RAPGEF4: variants seen among roughly 807,000 people sequenced by gnomAD.
The protein encoded by RAPGEF4 is RAP guanine-nucleotide-exchange factor (GEF) 4.
Under a neutral mutation model 147.9 loss-of-function variants are expected in RAPGEF4, and 66 were observed. That is an observed-to-expected ratio of 0.45 (90% confidence interval 0.37 to 0.55). The LOEUF (loss-of-function observed/expected upper bound fraction) is 0.55. Among genes scored for constraint, RAPGEF4 ranks in the 20% least tolerant of loss-of-function variants. The pLI is 0.00. For synonymous variants in RAPGEF4, 419 were observed against 442.7 expected, an observed-to-expected ratio of 0.95 and a Z score of 0.67; for missense variants, 1,071 against 1,257.3, an observed-to-expected ratio of 0.85 and a Z score of 2.24.
intron 6 of RAPGEF4, among the ~76,000 whole-genome samples, chr2:172,951,961 G>C (rs1370770178): frequency 2.6e-5 from 4 of 152,156 alleles, no homozygotes; most frequent in Non-Finnish European, 1.5e-5. Flanking sequence ...ACCAAGGCTT[G>C]GATAAGGCAC....
At chr2:172,978,214 C>G (rs902121016) in intron 10 of RAPGEF4, among the ~76,000 whole-genome samples, 8 of 152,158 alleles carry the variant, frequency 5.3e-5, no homozygotes, top group African/African-American at 1.7e-4. Context: ...CCCAGAGCTT[C>G]CCCTGGAAAT....
intron 16 of RAPGEF4, among the ~76,000 whole-genome samples, chr2:173,000,372 TTA>T (rs1349981158): frequency 5.9e-5 from 9 of 152,248 alleles, no homozygotes; most frequent in African/African-American, 2.2e-4. Context: ...CATTTTCCAT[TTA>T]AGATGAGCGT....
At chr2:172,759,345 A>G (rs560088680) in intron 1 of RAPGEF4, among the ~76,000 whole-genome samples, 4 of 152,232 alleles carry the variant, frequency 2.6e-5, no homozygotes, top group South Asian at 2.1e-4. Context: ...AGATCATTCA[A>G]TGAGAATGCA....
At chr2:172,874,183 C>T (rs1695582471) in intron 4 of RAPGEF4, among the ~76,000 whole-genome samples, 2 of 152,286 alleles carry the variant, frequency 1.3e-5, no homozygotes, top group East Asian at 1.9e-4. Context: ...TTTGACCCAG[C>T]AATCCCATTA....
chr2:173,020,738 G>T, intron 23 of RAPGEF4, 23 bp downstream of exon 23: 1 of 1,580,844 alleles, frequency 6.3e-7, no homozygotes, highest in South Asian at 1.1e-5. Flanking sequence ...GGCCTGCTCA[G>T]AGCAGCATTG....
chr2:172,993,022 T>A (rs1042510520), intron 15 of RAPGEF4, among the ~76,000 whole-genome samples: 3 of 152,242 alleles, frequency 2.0e-5, no homozygotes, highest in East Asian at 1.9e-4. Context: ...CTGTAGGGCC[T>A]CTCCTCAGAA....
chr2:173,021,658 G>T (rs1368217439), intron 23 of RAPGEF4, among the ~76,000 whole-genome samples: 1 of 152,208 alleles, frequency 6.6e-6, no homozygotes, highest in Non-Finnish European at 1.5e-5. Context: ...TTTAGGGAGA[G>T]AGTTTACATA....
chr2:172,990,909 T>G lies in RAPGEF4; in HGVS notation c.1474T>G (p.Ser492Ala). ...AGNRASNQGN[S>A]QPQQKYTVMS... ...GAACAGAGCTTCTAATCAAGGAAAC[T>G]CACAGCCTCAGCAAAAGTATGTTTG... Residue 492 changes from serine to alanine, a missense_variant, in exon 15 of 31, where the codon TCA becomes GCA. Physicochemically the swap from Ser to Ala is moderately conservative, Grantham distance 99. Transcript: ENST00000397081. The G allele has an allele frequency of 1.2e-6, 2 of 1,613,132 alleles. No homozygotes were observed. Among genetic ancestry groups the G allele is most frequent in the African/African-American group, 1.3e-5 (1 of 75,022 alleles).
chr2:173,034,172 A>C (rs1683605698), intron 27 of RAPGEF4, among the ~76,000 whole-genome samples: 1 of 152,174 alleles, frequency 6.6e-6, no homozygotes, highest in Admixed American at 6.5e-5. Flanking sequence ...TATGTCCCAC[A>C]TAAGGTCAAT....
intron 4 of RAPGEF4, among the ~76,000 whole-genome samples, chr2:172,869,675 C>T (rs1367074833): frequency 6.6e-6 from 1 of 152,078 alleles, no homozygotes; most frequent in Non-Finnish European, 1.5e-5. Context: ...TTTGACTCTA[C>T]TTTTGACCTA....
chr2:172,920,369 G>A (rs187462093), intron 5 of RAPGEF4, among the ~76,000 whole-genome samples: 12 of 152,174 alleles, frequency 7.9e-5, no homozygotes, highest in Admixed American at 7.2e-4. Flanking sequence ...ATTTTCCTTA[G>A]TAACATCCGC....
intron 8 of RAPGEF4, among the ~76,000 whole-genome samples, chr2:172,963,166 A>T (rs1689475049): frequency 6.6e-6 from 1 of 152,058 alleles, no homozygotes; most frequent in African/African-American, 2.4e-5. Context: ...AAAAGGGGAA[A>T]ATTTGCCCCC....
chr2:172,953,597 G>A (rs988778191), intron 6 of RAPGEF4, among the ~76,000 whole-genome samples: 5 of 152,014 alleles, frequency 3.3e-5, no homozygotes, highest in African/African-American at 1.2e-4. Context: ...CTGGTACTTA[G>A]CAACCATAAA....
In RAPGEF4 at chr2:172,983,588, G is replaced by T. The variant is rs372249995; in HGVS notation, c.1089+8G>T. 14 of 1,612,188 alleles carry T rather than the reference G, an allele frequency of 8.7e-6. No individual in the cohort carries two copies. In the Middle Eastern group the frequency reaches 6.6e-4, roughly 76 times the overall value. Reference sequence around the variant, plus strand: ...TCCCATCTTTCTACCACAGTAAGTTGTCTCTTAGTTTAGCATGGTTGGAGC... The same window carrying T: ...TCCCATCTTTCTACCACAGTAAGTTTTCTCTTAGTTTAGCATGGTTGGAGC... On this transcript the variant is annotated splice_region_variant and intron_variant, in intron 11 of 30. Coordinates refer to ENST00000397081, the MANE Select transcript of RAPGEF4 (RefSeq NM_007023.4).
At chr2:172,970,795 C>T (rs915476091) in intron 10 of RAPGEF4, among the ~76,000 whole-genome samples, 2 of 152,020 alleles carry the variant, frequency 1.3e-5, no homozygotes, top group Admixed American at 6.5e-5. Flanking sequence ...ACTCTTGTTG[C>T]TATTGGTATT....
intron 1 of RAPGEF4, among the ~76,000 whole-genome samples, chr2:172,738,617 G>A (rs1205810869): frequency 1.6e-5 from 2 of 125,470 alleles, no homozygotes. Flanking sequence ...CAAATCTAGA[G>A]TATAGGAATG....
chr2:172,919,443 C>T (rs535225049), intron 5 of RAPGEF4, among the ~76,000 whole-genome samples: 30 of 152,268 alleles, frequency 2.0e-4, no homozygotes, highest in South Asian at 6.2e-4. Context: ...GACTCCATTC[C>T]GCCTTGGCTC....
At chr2:172,765,531 C>A (rs937404237) in intron 1 of RAPGEF4, among the ~76,000 whole-genome samples, 1 of 152,194 alleles carries the variant, frequency 6.6e-6, no homozygotes, top group Non-Finnish European at 1.5e-5. Flanking sequence ...CTTGCCATCT[C>A]TCACACACAG....
At position 173,032,915 on chromosome 2, in the gene RAPGEF4, C is replaced by T. The variant is rs1697329204; in HGVS notation, c.2650-999C>T. Among the ~76,000 whole-genome samples the T allele has an allele frequency of 1.3e-5, 2 of 152,170 alleles. 1 individual carries two copies. The highest frequency in any genetic ancestry group is 1.3e-4 in the Admixed American group (2 of 15,278). On this transcript the variant is annotated intron_variant, in intron 26 of 30. Coordinates refer to ENST00000397081, the MANE Select transcript of RAPGEF4 (RefSeq NM_007023.4). ...AGATGACCCAGGAGTCTCTGAGACC[C>T]AGGGGTTGGTTGATGAGTTCCTAGT...
Sources: gnomAD v4.1 joint callset for allele counts (sites outside exome capture counted in the v4.1 genomes callset) on GRCh38, gnomAD v4.1.1 for gene constraint, MANE v1.5 for transcripts, NCBI Gene and HGNC (gene_info 2026-07-23, HGNC 2026-07-21) for gene names.